The following PDE1A variants were observed in gnomAD, a reference collection of about 807,000 sequenced individuals.
PDE1A encodes dual specificity calcium/calmodulin-dependent 3',5'-cyclic nucleotide phosphodiesterase 1A.
A neutral mutation model predicts 61.7 loss-of-function variants in PDE1A; 35 were observed. The observed-to-expected ratio is 0.57, with a 90% CI of 0.43 to 0.75. The LOEUF is 0.75. Ranked by LOEUF, PDE1A falls within the 30% of genes least tolerant of loss-of-function variation. The pLI is 0.00. For synonymous variants in PDE1A, 232 were observed against 213.2 expected, an observed-to-expected ratio of 1.09 and a Z score of -0.77; for missense variants, 597 against 630.6, an observed-to-expected ratio of 0.95 and a Z score of 0.57.
intron 2 of PDE1A, 84 bp from the exon 3 acceptor site, chr2:182,240,376 T>G: frequency 1.3e-6 from 1 of 789,596 alleles, no homozygotes; most frequent in Non-Finnish European, 1.9e-6. Context: ...GCAATGGGAT[T>G]TAAAATATAG....
chr2:182,477,175 C>G lies in PDE1A; in HGVS notation c.101+45101G>C, dbSNP rs373706555. Among the ~76,000 whole-genome samples, 3 of 151,780 alleles carry G rather than the reference C, an allele frequency of 2.0e-5. No homozygotes were observed. The East Asian group carries it at 5.8e-4, about 30-fold the overall frequency. On this transcript the variant is annotated intron_variant, in intron 2 of 14. Transcript: ENST00000410103. Reference sequence around the variant, plus strand: ...AGCCAATATATCCTATATTGAGAACCTATAGCAGTAAGTGTACTGCGGGGT... The same window carrying G: ...AGCCAATATATCCTATATTGAGAACGTATAGCAGTAAGTGTACTGCGGGGT...
chr2:182,377,453 T>C (rs1001878671), intron 1 of PDE1A, among the ~76,000 whole-genome samples: 1 of 152,230 alleles, frequency 6.6e-6, no homozygotes, highest in African/African-American at 2.4e-5. Context: ...TATGCACCAA[T>C]TAAATCTCTT....
chr2:182,456,482 T>G (rs1354721130), intron 2 of PDE1A, among the ~76,000 whole-genome samples: 1 of 152,106 alleles, frequency 6.6e-6, no homozygotes, highest in African/African-American at 2.4e-5. Context: ...ACCTTAGCTG[T>G]GTAATGCCTA....
At chr2:182,267,748 C>G (rs1271867363) in intron 1 of PDE1A, among the ~76,000 whole-genome samples, 1 of 151,858 alleles carries the variant, frequency 6.6e-6, no homozygotes, top group Non-Finnish European at 1.5e-5. Flanking sequence ...ATACAACAAT[C>G]CTCAACAATC....
At chr2:182,550,314 T>A in the PDE1A span, among the ~76,000 whole-genome samples, 1 of 152,206 alleles carries the variant, frequency 6.6e-6, no homozygotes, top group African/African-American at 2.4e-5. Context: ...CTGGAATAGA[T>A]TAATTCACAG....
At chr2:182,690,671 T>C in the PDE1A span, among the ~76,000 whole-genome samples, 1 of 152,176 alleles carries the variant, frequency 6.6e-6, no homozygotes, top group Non-Finnish European at 1.5e-5. Context: ...TGTTGGAAGT[T>C]CTGGCCAGGG....
At chr2:182,147,594 T>G (rs976948813) in intron 13 of PDE1A, among the ~76,000 whole-genome samples, 3 of 152,180 alleles carry the variant, frequency 2.0e-5, no homozygotes, top group Non-Finnish European at 4.4e-5. Context: ...AGATACCACC[T>G]GTCAAGACAA....
At chr2:182,403,171 G>A (rs1182832000) in intron 1 of PDE1A, among the ~76,000 whole-genome samples, 1 of 152,076 alleles carries the variant, frequency 6.6e-6, no homozygotes, top group Non-Finnish European at 1.5e-5. Context: ...TCCCATTACT[G>A]GGTATATACC....
chr2:182,634,270 G>C, the PDE1A span, among the ~76,000 whole-genome samples: 1 of 151,942 alleles, frequency 6.6e-6, no homozygotes, highest in Non-Finnish European at 1.5e-5. Context: ...TTTTCACGTA[G>C]AGCCAAAACA....
At chr2:182,363,393 T>C (rs1446270278) in intron 1 of PDE1A, among the ~76,000 whole-genome samples, 1 of 151,918 alleles carries the variant, frequency 6.6e-6, no homozygotes, top group Non-Finnish European at 1.5e-5. Context: ...GTATATGATA[T>C]ATTAGAAGAT....
intron 2 of PDE1A, among the ~76,000 whole-genome samples, chr2:182,250,828 G>A (rs1398345996): frequency 6.6e-6 from 1 of 152,164 alleles, no homozygotes; most frequent in Non-Finnish European, 1.5e-5. Flanking sequence ...AGTGCTTGGT[G>A]CCTCCTCCAT....
chr2:182,710,332 C>T, the PDE1A span, among the ~76,000 whole-genome samples: 2 of 152,196 alleles, frequency 1.3e-5, no homozygotes, highest in African/African-American at 4.8e-5. Flanking sequence ...ACATCTATCA[C>T]CACTCAGTTA....
intron 1 of PDE1A, among the ~76,000 whole-genome samples, chr2:182,284,923 A>G (rs1574250449): frequency 6.6e-6 from 1 of 152,244 alleles, no homozygotes; most frequent in Non-Finnish European, 1.5e-5. Context: ...CATGAGATTA[A>G]GTAACTTGCC....
chr2:182,579,950 C>G, the PDE1A span, among the ~76,000 whole-genome samples: 2 of 152,182 alleles, frequency 1.3e-5, no homozygotes, highest in African/African-American at 4.8e-5. Flanking sequence ...TTCACTATAG[C>G]TGATCATGAG....
chr2:182,201,388 A>G (rs756599859), intron 10 of PDE1A, 51 bp downstream of exon 10: 1 of 1,605,068 alleles, frequency 6.2e-7, no homozygotes, highest in Admixed American at 1.7e-5. Flanking sequence ...GTACGCTAAT[A>G]TGCACAGTCA....
At chr2:182,332,239 T>C (rs954603436) in intron 1 of PDE1A, among the ~76,000 whole-genome samples, 3 of 152,230 alleles carry the variant, frequency 2.0e-5, no homozygotes, top group Non-Finnish European at 2.9e-5. Context: ...TTATTCTACT[T>C]AGCAATTCCT....
intron 1 of PDE1A, among the ~76,000 whole-genome samples, chr2:182,412,330 C>T (rs1473866271): frequency 6.6e-6 from 1 of 152,128 alleles, no homozygotes; most frequent in East Asian, 1.9e-4. Context: ...AAACAGTAGA[C>T]AGTTCTGTTT....
At chr2:182,471,996 A>G (rs1687057386) in intron 2 of PDE1A, among the ~76,000 whole-genome samples, 1 of 151,900 alleles carries the variant, frequency 6.6e-6, no homozygotes, top group Non-Finnish European at 1.5e-5. Context: ...ATGCAAATTA[A>G]TATCACAATT....
upstream of PDE1A, among the ~76,000 whole-genome samples, chr2:182,527,474 C>T (rs2125996774): frequency 6.7e-6 from 1 of 149,058 alleles, no homozygotes; most frequent in East Asian, 2.0e-4. Flanking sequence ...GGGAGGATCA[C>T]TTGAGCCCAG....
Sources: gnomAD v4.1 joint callset for allele counts (sites outside exome capture counted in the v4.1 genomes callset) on GRCh38, gnomAD v4.1.1 for gene constraint, MANE v1.5 for transcripts, NCBI Gene and HGNC (gene_info 2026-07-23, HGNC 2026-07-21) for gene names.